SLC2A9: variants seen among roughly 807,000 people sequenced by gnomAD.
SLC2A9 encodes solute carrier family 2 member 9.
SLC2A9 carries 39 observed loss-of-function variants against 50.6 expected under a neutral mutation model. That is an observed-to-expected ratio of 0.77 (90% CI 0.60 to 1.01). The LOEUF (loss-of-function observed/expected upper bound fraction) is 1.01, where lower values mean the gene tolerates loss of function less well. Ranked by LOEUF, SLC2A9 falls within the 50% of genes least tolerant of loss-of-function variation. The pLI is 0.00. For synonymous variants in SLC2A9, 324 were observed against 276.9 expected, an observed-to-expected ratio of 1.17 and a Z score of -1.69; for missense variants, 686 against 677.6, an observed-to-expected ratio of 1.01 and a Z score of -0.14.
intron 3 of SLC2A9, among the ~76,000 whole-genome samples, chr4:9,801,242 G>A (rs577451006): frequency 6.6e-5 from 10 of 152,144 alleles, no homozygotes; most frequent in African/African-American, 1.4e-4. Flanking sequence ...TCTCAGCCTC[G>A]CTACCACCTG....
chr4:9,987,750 C>T (rs1756983788), intron 3 of SLC2A9, among the ~76,000 whole-genome samples: 1 of 151,994 alleles, frequency 6.6e-6, no homozygotes, highest in Non-Finnish European at 1.5e-5. Context: ...ACTGCTTGAA[C>T]CCAGGAGGCA....
At chr4:9,936,016 T>C (rs1747005799) in intron 6 of SLC2A9, among the ~76,000 whole-genome samples, 1 of 152,182 alleles carries the variant, frequency 6.6e-6, no homozygotes, top group South Asian at 2.1e-4. Context: ...TGGCAGCTCT[T>C]CACCCTAGGG....
chr4:9,819,617 T>G (rs943363901), intron 3 of SLC2A9, among the ~76,000 whole-genome samples: 1 of 152,240 alleles, frequency 6.6e-6, no homozygotes, highest in African/African-American at 2.4e-5. Context: ...TCCCAGCCTG[T>G]AGCTTGTCTT....
At chr4:9,852,818 A>T (rs1730173402) in intron 10 of SLC2A9, among the ~76,000 whole-genome samples, 1 of 152,234 alleles carries the variant, frequency 6.6e-6, no homozygotes, top group African/African-American at 2.4e-5. Flanking sequence ...CATAATAACC[A>T]GTTAACAATA....
intron 5 of SLC2A9, among the ~76,000 whole-genome samples, chr4:9,969,391 A>T (rs186066844): frequency 1.5e-4 from 23 of 152,324 alleles, no homozygotes; most frequent in African/African-American, 5.3e-4. Context: ...GGTAGTTTTA[A>T]ATTTTTGTCA....
chr4:9,800,317 CTTA>C (rs906881357), intron 3 of SLC2A9, among the ~76,000 whole-genome samples: 4 of 152,148 alleles, frequency 2.6e-5, no homozygotes, highest in African/African-American at 7.2e-5. Context: ...AAAATGTTAC[CTTA>C]TTTAGAAATG....
chr4:9,945,089 C>T (rs1208238973), intron 5 of SLC2A9, among the ~76,000 whole-genome samples: 1 of 152,230 alleles, frequency 6.6e-6, no homozygotes, highest in Non-Finnish European at 1.5e-5. Flanking sequence ...CTCCCAATGA[C>T]AGTGGTAAAG....
chr4:10,023,254 T>C (rs1344352176), upstream of SLC2A9, among the ~76,000 whole-genome samples: 1 of 152,090 alleles, frequency 6.6e-6, no homozygotes, highest in Non-Finnish European at 1.5e-5. Context: ...AAATTGTCAG[T>C]GAAGCATGGT....
chr4:9,911,059 T>C (rs1040616444), intron 7 of SLC2A9, among the ~76,000 whole-genome samples: 1 of 152,012 alleles, frequency 6.6e-6, no homozygotes, highest in African/African-American at 2.4e-5. Flanking sequence ...GATGACAGGT[T>C]GATGGGTGCA....
At chr4:9,881,774 T>G (rs537306584) in intron 10 of SLC2A9, among the ~76,000 whole-genome samples, 3 of 152,154 alleles carry the variant, frequency 2.0e-5, no homozygotes, top group Admixed American at 1.3e-4. Context: ...AGGGAAACCA[T>G]GACTAGGACT....
chr4:10,036,752 C>T (rs1213515161), intron 1 of SLC2A9, among the ~76,000 whole-genome samples: 1 of 152,208 alleles, frequency 6.6e-6, no homozygotes, highest in African/African-American at 2.4e-5. Context: ...CTATCCTTAG[C>T]ACAGATTTCA....
At chr4:9,932,973 G>C (rs1161703466) in intron 6 of SLC2A9, among the ~76,000 whole-genome samples, 1 of 152,180 alleles carries the variant, frequency 6.6e-6, no homozygotes, top group South Asian at 2.1e-4. Context: ...CAGAGGCTGT[G>C]GTTCCCACGT....
intron 11 of SLC2A9, among the ~76,000 whole-genome samples, chr4:9,833,371 G>C (rs567763516): frequency 6.6e-6 from 1 of 152,212 alleles, no homozygotes; most frequent in Non-Finnish European, 1.5e-5. Context: ...GCTGTAGCAA[G>C]TGATGGATGG....
At chr4:9,798,484 T>C (rs1248245662), downstream of SLC2A9, among the ~76,000 whole-genome samples, 1 of 152,136 alleles carries the variant, frequency 6.6e-6, no homozygotes, top group Non-Finnish European at 1.5e-5. Context: ...AAGAGAGTTG[T>C]TTCTCCACAC....
At chr4:9,782,013 C>A (rs768752880) in intron 3 of SLC2A9, 15 of 1,448,228 alleles carry the variant, frequency 1.0e-5, no homozygotes, top group Non-Finnish European at 1.4e-5. Context: ...CAGACCGCCC[C>A]TGCAGTCCAG....
In SLC2A9 at chr4:9,981,869, T is replaced by C. The variant is rs575014270; in HGVS notation, c.536-1132A>G. ...TCTCAAAATCCTTCAGGTTTATCAT[T>C]TGGCTTTAAATTCTTTTTTTTTTTT... On this transcript the variant is annotated intron_variant, in intron 4 of 11. Coordinates refer to ENST00000264784, the MANE Select transcript of SLC2A9 (RefSeq NM_020041.3). Among the ~76,000 whole-genome samples the C allele has an allele frequency of 4.6e-5, 7 of 151,842 alleles. No homozygotes were observed. In the South Asian group the frequency reaches 1.5e-3, roughly 32 times the overall value.
intron 10 of SLC2A9, among the ~76,000 whole-genome samples, chr4:9,885,859 T>C (rs1736108343): frequency 6.6e-6 from 1 of 152,242 alleles, no homozygotes; most frequent in Non-Finnish European, 1.5e-5. Context: ...GTGTCCACAC[T>C]ACCATGGCAG....
chr4:9,883,798 T>C (rs1365708740), intron 10 of SLC2A9, among the ~76,000 whole-genome samples: 2 of 152,188 alleles, frequency 1.3e-5, no homozygotes, highest in Non-Finnish European at 2.9e-5. Context: ...TTAAACCACC[T>C]GCAAATACGT....
chr4:9,832,772 AG>A lies in SLC2A9; in HGVS notation c.1419+2108del, dbSNP rs1726384998. ...CTGAGCTCATCCCCTTGCCTGTCAA[AG>A]GGAGTGATACAGGCACTACCTCCTA... On this transcript the variant is annotated intron_variant, in intron 11 of 11. Transcript: ENST00000264784. Among the ~76,000 whole-genome samples the A allele has an allele frequency of 3.3e-5, 5 of 152,328 alleles. No homozygotes were observed. The South Asian group carries it at 1.0e-3, about 32-fold the overall frequency.
Sources: gnomAD v4.1 joint callset for allele counts (sites outside exome capture counted in the v4.1 genomes callset) on GRCh38, gnomAD v4.1.1 for gene constraint, MANE v1.5 for transcripts, NCBI Gene and HGNC (gene_info 2026-07-23, HGNC 2026-07-21) for gene names.